Variants in SGPP2 observed in about 807,000 individuals in gnomAD.
SGPP2 encodes sphingosine 1-phosphate phosphohydrolase 2.
A neutral mutation model predicts 33.9 loss-of-function variants in SGPP2; 30 were observed. That is an observed-to-expected ratio of 0.89 (90% CI 0.66 to 1.20). The LOEUF (loss-of-function observed/expected upper bound fraction) is 1.20. SGPP2 is among the 50% of genes most tolerant of loss of function. SGPP2 has a pLI of 0.00. For missense variants in SGPP2, 458 were observed against 532.1 expected (o/e 0.86, Z 1.37); for synonymous variants, 233 against 225.0 (o/e 1.04, Z -0.32).
chr2:222,498,600 T>G (rs951452970), intron 2 of SGPP2, among the ~76,000 whole-genome samples: 1 of 152,044 alleles, frequency 6.6e-6, no homozygotes, highest in Non-Finnish European at 1.5e-5. Context: ...AAAAAAAAAT[T>G]TTTGAGCAGT....
chr2:222,468,493 C>G (rs888601903), intron 1 of SGPP2, among the ~76,000 whole-genome samples: 4 of 152,172 alleles, frequency 2.6e-5, no homozygotes, highest in African/African-American at 9.7e-5. Flanking sequence ...AATTGACTTC[C>G]CCAAGGTCAC....
At chr2:222,496,600 G>T (rs569198527) in intron 2 of SGPP2, among the ~76,000 whole-genome samples, 5 of 152,210 alleles carry the variant, frequency 3.3e-5, no homozygotes, top group African/African-American at 1.2e-4. Context: ...TTACCTACAA[G>T]GTCTCTCACA....
At chr2:222,515,257 TACA>T (rs1233152310) in intron 2 of SGPP2, among the ~76,000 whole-genome samples, 1 of 152,194 alleles carries the variant, frequency 6.6e-6, no homozygotes, top group Non-Finnish European at 1.5e-5. Flanking sequence ...AGATCCATTC[TACA>T]ACATGGTGCC....
intron 2 of SGPP2, among the ~76,000 whole-genome samples, chr2:222,487,651 G>A (rs1479992920): frequency 4.6e-5 from 7 of 152,196 alleles, no homozygotes; most frequent in Middle Eastern, 3.4e-3. Flanking sequence ...GTGAGCAAAC[G>A]AGACATGGGG....
chr2:222,452,828 C>A, intron 1 of SGPP2: 1 of 1,605,810 alleles, frequency 6.2e-7, no homozygotes, highest in Non-Finnish European at 8.5e-7. Flanking sequence ...TGCTATTCTG[C>A]GGCCAGTTGT....
chr2:222,468,569 G>T (rs527993813), intron 1 of SGPP2, among the ~76,000 whole-genome samples: 2 of 152,142 alleles, frequency 1.3e-5, no homozygotes, highest in Non-Finnish European at 2.9e-5. Flanking sequence ...TGGGCTGGCC[G>T]CCAAGTCTGC....
intron 4 of SGPP2, among the ~76,000 whole-genome samples, chr2:222,534,341 G>C (rs1004051261): frequency 2.6e-5 from 4 of 152,176 alleles, no homozygotes; most frequent in Admixed American, 2.0e-4. Flanking sequence ...GTGAATACTT[G>C]TTCCATTATT....
At position 222,509,410 on chromosome 2, in the gene SGPP2, G is replaced by T. The variant is rs550291684; in HGVS notation, c.379-12357G>T. Among the ~76,000 whole-genome samples the T allele has an allele frequency of 5.9e-5, 9 of 151,996 alleles. No homozygotes were observed. In the South Asian group the frequency reaches 1.7e-3, roughly 28 times the overall value. On this transcript the variant is annotated intron_variant, in intron 2 of 4. Transcript: ENST00000321276. ...TGACATATAATGATATACTAATTTT[G>T]ATAAGAGCAATATTTTAGGCATTAA...
chr2:222,483,455 T>C (rs1446350148), intron 2 of SGPP2, among the ~76,000 whole-genome samples: 1 of 152,242 alleles, frequency 6.6e-6, no homozygotes, highest in Non-Finnish European at 1.5e-5. Context: ...TTTCAGTATC[T>C]TTCACATTCT....
chr2:222,505,427 T>C (rs1323901903), intron 2 of SGPP2, among the ~76,000 whole-genome samples: 2 of 152,192 alleles, frequency 1.3e-5, no homozygotes, highest in African/African-American at 4.8e-5. Flanking sequence ...ATCAAGTGGG[T>C]CCACTTATAC....
Position 222,440,469 on chromosome 2 carries a change from A to T in SGPP2, c.219+15648A>T, listed in dbSNP as rs145175872. On this transcript the variant is annotated intron_variant, in intron 1 of 4. Coordinates refer to ENST00000321276, the MANE Select transcript of SGPP2 (RefSeq NM_152386.4). ...GAGATTCTCCTGCCTTAGCCTCCCG[A>T]GTAGCTGGGACTCCAGGCGCCCACC... Among the ~76,000 whole-genome samples the T allele has an allele frequency of 2.1e-3, 324 of 151,722 alleles. 2 individuals are homozygous for T. Among genetic ancestry groups the T allele is most frequent in the African/African-American group, 7.5e-3 (309 of 41,356 alleles).
chr2:222,456,025 G>A (rs561167938), intron 1 of SGPP2, among the ~76,000 whole-genome samples: 2 of 152,312 alleles, frequency 1.3e-5, no homozygotes, highest in Admixed American at 6.5e-5. Context: ...GCTATGGTGA[G>A]CTATGACTGT....
intron 2 of SGPP2, among the ~76,000 whole-genome samples, chr2:222,494,852 T>C (rs1427673981): frequency 6.6e-6 from 1 of 152,208 alleles, no homozygotes; most frequent in Non-Finnish European, 1.5e-5. Context: ...GTGCTAGAAG[T>C]CATGGCCTTG....
intron 4 of SGPP2, among the ~76,000 whole-genome samples, chr2:222,558,142 T>A (rs1000486735): frequency 6.6e-6 from 1 of 152,230 alleles, no homozygotes; most frequent in East Asian, 1.9e-4. Context: ...ATACGTAACA[T>A]GAGTAGTATG....
At chr2:222,479,683 G>A (rs367877581) in intron 2 of SGPP2, among the ~76,000 whole-genome samples, 8 of 152,088 alleles carry the variant, frequency 5.3e-5, no homozygotes, top group Non-Finnish European at 5.9e-5. Context: ...GATTACAGGC[G>A]TGAGCCACCG....
intron 2 of SGPP2, among the ~76,000 whole-genome samples, chr2:222,517,616 T>G (rs1478767021): frequency 6.6e-6 from 1 of 152,230 alleles, no homozygotes; most frequent in Non-Finnish European, 1.5e-5. Flanking sequence ...TGGTTAACAC[T>G]TAAGCTGTCT....
At chr2:222,425,253 G>C (rs748403883) in intron 1 of SGPP2, among the ~76,000 whole-genome samples, 33 of 149,988 alleles carry the variant, frequency 2.2e-4, no homozygotes, top group South Asian at 4.2e-4. Flanking sequence ...GCACAAATGC[G>C]GGTGCAGCCG....
rs1574860694 is a variant in SGPP2 at position 222,495,389 on chromosome 2, G to A, written c.378+20663G>A. Among the ~76,000 whole-genome samples the A allele has an allele frequency of 2.0e-5, 3 of 152,094 alleles. No individual in the cohort carries two copies. In the South Asian group the frequency reaches 6.2e-4, roughly 32 times the overall value. ...TATTCATGCCACTGTACTCCAGCCT[G>A]GAAAACAGAGCAAGGCCCTGTCTCA... On this transcript the variant is annotated intron_variant, in intron 2 of 4. Transcript: ENST00000321276.
chr2:222,557,006 A>G (rs2106159588), intron 4 of SGPP2, among the ~76,000 whole-genome samples: 1 of 152,044 alleles, frequency 6.6e-6, no homozygotes, highest in South Asian at 2.1e-4. Flanking sequence ...AATCTTTTTA[A>G]AGTGAAAACC....
Sources: allele counts gnomAD v4.1 joint callset (sites outside exome capture counted in the v4.1 genomes callset), GRCh38; gene constraint gnomAD v4.1.1; transcripts MANE v1.5; gene names NCBI Gene and HGNC (gene_info 2026-07-23, HGNC 2026-07-21).